Variants in TBCCD1 observed in about 807,000 individuals in gnomAD.
TBCCD1 encodes TBCC domain-containing protein 1.
TBCCD1 carries 26 observed loss-of-function variants against 53.4 expected under a neutral mutation model. The ratio of observed to expected loss-of-function variants is 0.49; its 90% CI spans 0.36 to 0.68. The LOEUF (loss-of-function observed/expected upper bound fraction) is 0.68. TBCCD1 is among the 30% of genes least tolerant of loss of function. TBCCD1 has a pLI of 0.00. For missense variants in TBCCD1, 558 were observed against 669.5 expected (o/e 0.83, Z 1.84); for synonymous variants, 245 against 241.7 (o/e 1.01, Z -0.13).
At position 186,549,223 on chromosome 3, in the gene TBCCD1, GGTTGC is replaced by G. The variant is rs1560222368; in HGVS notation, c.*21+1901_*21+1905del. 3.8e-4 allele frequency among the ~76,000 whole-genome samples: 58 copies of G among 152,286 alleles called. No homozygotes were observed. The East Asian group carries it at 0.011, about 28-fold the overall frequency. On this transcript the variant is annotated intron_variant, in intron 7 of 7. Coordinates refer to ENST00000338733, the MANE Select transcript of TBCCD1 (RefSeq NM_018138.5). ...GAATCACTTGAACCTGGGAAGTGAC[GGTTGC>G]AGTGAGCCGAGACCGCACCACTGCA...
chr3:186,550,480 G>T (rs888232985), intron 7 of TBCCD1, among the ~76,000 whole-genome samples: 1 of 151,530 alleles, frequency 6.6e-6, no homozygotes, highest in African/African-American at 2.4e-5. Flanking sequence ...CAGCTACTCC[G>T]GAGACTGAGG....
At position 186,555,347 on chromosome 3, in the gene TBCCD1, CT is replaced by C. The variant is rs549652237; in HGVS notation, c.860-264del. 3.9e-5 allele frequency among the ~76,000 whole-genome samples: 6 copies of C among 152,234 alleles called. No individual in the cohort carries two copies. In the East Asian group the frequency reaches 1.2e-3, roughly 29 times the overall value. Reference sequence around the variant, plus strand: ...TAAGATTGCCTATAAGTCTAAGATACTTTTTCGTGTCTACGCTTCAAGTTAA... The same window carrying C: ...TAAGATTGCCTATAAGTCTAAGATACTTTTCGTGTCTACGCTTCAAGTTAA... On this transcript the variant is annotated intron_variant, in intron 4 of 7. Coordinates refer to ENST00000338733, the MANE Select transcript of TBCCD1 (RefSeq NM_018138.5).
intron 7 of TBCCD1, 136 bp downstream of exon 7, chr3:186,550,993 T>C: frequency 4.0e-6 from 3 of 751,316 alleles, no homozygotes; most frequent in Non-Finnish European, 5.9e-6. Flanking sequence ...TAAATATGGG[T>C]ACATAAAGGT....
intron 6 of TBCCD1, chr3:186,553,500 A>AC (rs1714436260): frequency 6.6e-6 from 1 of 152,228 alleles, no homozygotes; most frequent in Admixed American, 6.5e-5. Flanking sequence ...GTCAGAACAG[A>AC]GAAAAAAAAA....
intron 3 of TBCCD1, among the ~76,000 whole-genome samples, chr3:186,558,169 T>C (rs913859746): frequency 1.3e-5 from 2 of 152,226 alleles, no homozygotes; most frequent in Non-Finnish European, 2.9e-5. Flanking sequence ...TAATTGAACA[T>C]AGTGATGATC....
chr3:186,560,006 T>C (rs1275922831), intron 2 of TBCCD1, among the ~76,000 whole-genome samples: 3 of 152,226 alleles, frequency 2.0e-5, no homozygotes, highest in African/African-American at 7.2e-5. Context: ...TTCAAGAACA[T>C]TAGGTAAATA....
chr3:186,565,044 C>G lies in TBCCD1; in HGVS notation c.-43-672G>C, dbSNP rs147796017. On this transcript the variant is annotated intron_variant, in intron 1 of 7. Transcript: ENST00000338733. ...ATTTATAAAATACAAAAACAGGGAA[C>G]CATCCACAATCCCACAAGTAAAGGG... is the stretch of plus-strand genomic sequence containing the variant. Among the ~76,000 whole-genome samples, 658 of 151,606 alleles carry G rather than the reference C, an allele frequency of 4.3e-3. 4 individuals are homozygous for G. The highest frequency in any genetic ancestry group is 0.012 in the African/African-American group (511 of 41,330).
chr3:186,561,553 G>A (rs1714690048), intron 2 of TBCCD1, among the ~76,000 whole-genome samples: 1 of 152,214 alleles, frequency 6.6e-6, no homozygotes, highest in South Asian at 2.1e-4. Context: ...ACTTTGGGAG[G>A]CCGAGGCAGG....
rs1181246242 is a variant in TBCCD1 at position 186,558,545 on chromosome 3, G to A, written c.364C>T (p.Leu122Phe). 1 of 1,614,120 alleles carries A rather than the reference G, an allele frequency of 6.2e-7. No homozygotes were observed. The highest frequency in any genetic ancestry group is 8.5e-7 in the Non-Finnish European group (1 of 1,180,016). ...QLSVDTLQFL[L>F]FLYIQQLNKV... Reference sequence around the variant, plus strand: ...TTCAACTGTTGAATGTATAAGAAGAGCAGAAACTGTAGCGTGTCCACTGAA... The same window carrying A: ...TTCAACTGTTGAATGTATAAGAAGAACAGAAACTGTAGCGTGTCCACTGAA... Residue 122 changes from leucine to phenylalanine, a missense_variant, in exon 3 of 8, where the codon CTC becomes TTC. By Grantham distance (22) the Leu-to-Phe change is conservative (BLOSUM62 0). Coordinates refer to ENST00000338733, the MANE Select transcript of TBCCD1 (RefSeq NM_018138.5).
rs143667202 is a variant in TBCCD1 at position 186,558,424 on chromosome 3, T to A, written c.485A>T (p.His162Leu). 1.4e-5 allele frequency: 23 copies of A among 1,613,938 alleles called. No homozygotes were observed. Among genetic ancestry groups the A allele is most frequent in the Middle Eastern group, 1.7e-4 (1 of 6,030 alleles). The change falls in exon 3 of 8, where the codon CAT becomes CTT. Residue 162 changes from histidine to leucine, a missense_variant. Coordinates refer to ENST00000338733, the MANE Select transcript of TBCCD1 (RefSeq NM_018138.5). Reference protein sequence around the residue: ...SPDLTEKSNCHNKNWNDYSHQ... With the variant: ...SPDLTEKSNCLNKNWNDYSHQ... ...TCAAGATATAAGGAGTACCTTATTATGACAATTAGATTTTTCAGTCAGGTC... is the reference window on the plus strand; with the variant it reads ...TCAAGATATAAGGAGTACCTTATTAAGACAATTAGATTTTTCAGTCAGGTC...
At chr3:186,570,241 C>A, upstream of TBCCD1, 1 of 616,006 alleles carries the variant, frequency 1.6e-6, no homozygotes. Context: ...TGATGTACAC[C>A]TGTCGTGGAA....
At position 186,561,669 on chromosome 3, in the gene TBCCD1, G is replaced by C. The variant is rs1021484715; in HGVS notation, c.336+2325C>G. Among the ~76,000 whole-genome samples, 58 of 152,146 alleles carry C rather than the reference G, an allele frequency of 3.8e-4. 1 individual carries two copies. Among genetic ancestry groups the C allele is most frequent in the Admixed American group, 1.3e-4 (2 of 15,276 alleles). ...CCGGGCATGGTGGTGGGTGCCTGTA[G>C]TCCCAGCTACTCAGGAGGCTGAGGC... is the stretch of plus-strand genomic sequence containing the variant. On this transcript the variant is annotated intron_variant, in intron 2 of 7. Coordinates refer to ENST00000338733, the MANE Select transcript of TBCCD1 (RefSeq NM_018138.5).
intron 1 of TBCCD1, among the ~76,000 whole-genome samples, chr3:186,564,605 C>T (rs960360572): frequency 2.0e-5 from 3 of 152,002 alleles, no homozygotes; most frequent in Admixed American, 2.0e-4. Context: ...GTTAGAAATC[C>T]TTGTTTTAGG....
chr3:186,568,919 T>G (rs77459380), upstream of TBCCD1, among the ~76,000 whole-genome samples: 9 of 112,846 alleles, frequency 8.0e-5, no homozygotes, highest in East Asian at 2.7e-4. Context: ...AAAAAAGAAA[T>G]AAAGAAAAGA....
rs1714760805 is a variant in TBCCD1, at chr3:186,564,171, G to A, written c.159C>T (p.Tyr53=). The A allele has an allele frequency of 1.2e-6, 2 of 1,614,082 alleles. No individual in the cohort carries two copies. The highest frequency in any genetic ancestry group is 8.5e-7 in the Non-Finnish European group (1 of 1,180,050). ...RATEGAYPRL[Y]WSTWRHIACG... ...AAGCGATGTGCCTCCATGTAGACCAGTAGAGGCGCGGGTAAGCTCCTTCTG... is the reference window on the plus strand; with the variant it reads ...AAGCGATGTGCCTCCATGTAGACCAATAGAGGCGCGGGTAAGCTCCTTCTG... Residue 53 remains tyrosine (Y), a synonymous_variant, in exon 2 of 8, where the codon TAC becomes TAT. Coordinates refer to ENST00000338733, the MANE Select transcript of TBCCD1 (RefSeq NM_018138.5).
intron 2 of TBCCD1, 32 bp from the exon 3 acceptor site, chr3:186,558,604 C>T (rs9854418): frequency 0.45 from 716,241 of 1,601,134 alleles, 168,024 homozygotes; most frequent in East Asian, 0.71. Context: ...GATGAATAGA[C>T]GTTTTAAAAC....
chr3:186,562,919 G>A lies in TBCCD1; in HGVS notation c.336+1075C>T, dbSNP rs142049690. On this transcript the variant is annotated intron_variant, in intron 2 of 7. Transcript: ENST00000338733. ...AAGAATGGGAATGATCTACACAGAA[G>A]CTATTTCTTTAGCCTGTGTCCCTAA... Among the ~76,000 whole-genome samples the A allele has an allele frequency of 1.6e-4, 25 of 152,348 alleles. No individual in the cohort carries two copies. The East Asian group carries it at 4.2e-3, about 26-fold the overall frequency.
intron 1 of TBCCD1, among the ~76,000 whole-genome samples, chr3:186,565,736 T>C (rs1317760111): frequency 1.3e-5 from 2 of 152,218 alleles, no homozygotes; most frequent in East Asian, 1.9e-4. Context: ...ATCACTACCA[T>C]CTTTCTTCAT....
At chr3:186,550,039 C>T (rs915300490) in intron 7 of TBCCD1, among the ~76,000 whole-genome samples, 2 of 151,970 alleles carry the variant, frequency 1.3e-5, no homozygotes, top group African/African-American at 2.4e-5. Context: ...TCAGCCCAGC[C>T]AACATGGTGA....
Sources: gnomAD v4.1 joint callset for allele counts (sites outside exome capture counted in the v4.1 genomes callset) on GRCh38, gnomAD v4.1.1 for gene constraint, MANE v1.5 for transcripts, NCBI Gene and HGNC (gene_info 2026-07-23, HGNC 2026-07-21) for gene names.